UBA5: variants seen among roughly 807,000 people sequenced by gnomAD.
The protein encoded by UBA5 is ubiquitin-like modifier-activating enzyme 5.
UBA5 carries 28 observed loss-of-function variants against 52.9 expected under a neutral mutation model. That is an observed-to-expected ratio of 0.53 (90% confidence interval 0.39 to 0.73). The LOEUF (loss-of-function observed/expected upper bound fraction) is 0.73. Ranked by LOEUF, UBA5 falls within the 30% of genes least tolerant of loss-of-function variation. UBA5 has a pLI of 0.00. For synonymous variants in UBA5, 135 were observed against 162.1 expected (o/e 0.83, Z 1.27); for missense variants, 388 against 492.7 (o/e 0.79, Z 2.01).
intron 5 of UBA5, 155 bp from the exon 6 acceptor site, chr3:132,670,810 G>GAT (rs1352866879): frequency 2.2e-6 from 1 of 461,720 alleles, no homozygotes; most frequent in African/African-American, 2.0e-5. Flanking sequence ...CTCAATACTT[G>GAT]ATATATATGA....
intron 8 of UBA5, among the ~76,000 whole-genome samples, chr3:132,673,069 G>C (rs777873836): frequency 7.2e-5 from 11 of 152,106 alleles, no homozygotes; most frequent in Non-Finnish European, 1.6e-4. Flanking sequence ...ATTGAAAAAA[G>C]CATACATATA....
At chr3:132,664,756 A>G (rs1251654243) in intron 1 of UBA5, among the ~76,000 whole-genome samples, 2 of 152,188 alleles carry the variant, frequency 1.3e-5, no homozygotes, top group Non-Finnish European at 2.9e-5. Flanking sequence ...TTTGTAGTAT[A>G]ATGATGAAGG....
chr3:132,676,052 A>T lies in UBA5; in HGVS notation c.1131+129A>T, dbSNP rs577503299. On this transcript the variant is annotated intron_variant, in intron 11 of 11. Transcript: ENST00000356232. This position sits in a 1 kb window ranked among gnomAD's most constrained non-coding sequence, Gnocchi z 4.1. ...TTTATGCTATAGGCATTAAGATGTG[A>T]GAGAGAGGTATGCAGTGTTAATATG... 15 of 651,672 alleles carry T rather than the reference A, an allele frequency of 2.3e-5. No individual in the cohort carries two copies. The highest frequency in any genetic ancestry group is 4.0e-4 in the Middle Eastern group (1 of 2,478). 40.4% of individuals were successfully genotyped at this position (651,672 alleles called of 1,614,324 possible). A position where few individuals can be genotyped will look rare whatever the true frequency, so the allele number is the denominator to read the frequency against.
rs1378791071 is a variant in UBA5 at position 132,676,688 on chromosome 3, G to A, written c.*162G>A. On this transcript the variant is annotated 3_prime_UTR_variant, in exon 12 of 12. Coordinates refer to ENST00000356232, the MANE Select transcript of UBA5 (RefSeq NM_024818.6). This position sits in a 1 kb window ranked among gnomAD's most constrained non-coding sequence, Gnocchi z 4.1. ...TCCTGTGACTTGCCTGTTTCTCCCC[G>A]CTCCAACGAAATCATTAACTCTCCT... 2.9e-5 allele frequency: 18 copies of A among 613,898 alleles called. No individual in the cohort carries two copies. Among genetic ancestry groups the A allele is most frequent in the African/African-American group, 5.5e-5 (3 of 54,164 alleles). The allele number at this position is 613,898 out of a possible 1,614,324, so 38.0% of individuals were successfully genotyped here. A position where few individuals can be genotyped will look rare whatever the true frequency, so the allele number is the denominator to read the frequency against.
At position 132,675,233 on chromosome 3, in the gene UBA5, T is replaced by C. The variant is rs776043186; in HGVS notation, c.813-15T>C. ...TTTTAAATTTCTTTATTTAAGTCTA[T>C]TTTGATTTTTCTAGGTTTCTGTTAA... On this transcript the variant is annotated splice_polypyrimidine_tract_variant and intron_variant, in intron 8 of 11. Coordinates refer to ENST00000356232, the MANE Select transcript of UBA5 (RefSeq NM_024818.6). 6.4e-7 allele frequency: 1 copy of C among 1,551,526 alleles called. No homozygotes were observed. The highest frequency in any genetic ancestry group is 8.8e-7 in the Non-Finnish European group (1 of 1,135,226).
At chr3:132,662,990 G>T (rs942938517) in intron 1 of UBA5, among the ~76,000 whole-genome samples, 8 of 152,140 alleles carry the variant, frequency 5.3e-5, no homozygotes, top group African/African-American at 1.7e-4. Flanking sequence ...GACAGTAAAG[G>T]AATTTTTTAA....
At chr3:132,669,356 TC>T in intron 4 of UBA5, among the ~76,000 whole-genome samples, 1 of 152,232 alleles carries the variant, frequency 6.6e-6, no homozygotes, top group Non-Finnish European at 1.5e-5. Flanking sequence ...CACCTCCGCC[TC>T]CCGGGCTCAA....
chr3:132,670,033 A>AT (rs986923792), intron 4 of UBA5, among the ~76,000 whole-genome samples, 165 bp from the exon 5 acceptor site: 4 of 152,016 alleles, frequency 2.6e-5, no homozygotes, highest in African/African-American at 9.7e-5. Context: ...TTTTAAAAAC[A>AT]TTTTTTTAGA....
Position 132,678,701 on chromosome 3 carries a change from G to C in UBA5, c.*2175G>C, listed in dbSNP as rs1266280628. On this transcript the variant is annotated 3_prime_UTR_variant, in exon 12 of 12. Transcript: ENST00000356232. Reference sequence around the variant, plus strand: ...GTCTCACTCTGTTGCCCAGGCTGGAGTGCAGTGGCACGATCTCAGCTCACC... The same window carrying C: ...GTCTCACTCTGTTGCCCAGGCTGGACTGCAGTGGCACGATCTCAGCTCACC... Among the ~76,000 whole-genome samples, 2 of 152,000 alleles carry C rather than the reference G, an allele frequency of 1.3e-5. No individual in the cohort carries two copies. The highest frequency in any genetic ancestry group is 4.2e-4 in the South Asian group (2 of 4,806).
rs1224111504 is a variant in UBA5 at position 132,660,552 on chromosome 3, G to A, written c.15G>A (p.Val5=). Residue 5 remains valine, a synonymous_variant, in exon 1 of 12, where the codon GTG becomes GTA. Transcript: ENST00000356232. The surrounding 1 kb of genome is among the most constrained non-coding windows in gnomAD (Gnocchi z 4.1). MAES[V]ERLQQRVQEL... ...GAGTCCCAGCCATGGCGGAGTCTGT[G>A]GAGCGCCTGCAGCAGCGGGTCCAGG... The A allele has an allele frequency of 6.5e-7, 1 of 1,549,452 alleles. No homozygotes were observed. The highest frequency in any genetic ancestry group is 2.1e-4 in the Middle Eastern group (1 of 4,694).
At position 132,677,888 on chromosome 3, in the gene UBA5, T is replaced by C. The variant is rs1002382636; in HGVS notation, c.*1362T>C. ...CTGGAAAGCAGAAGGATAGTTTTTT[T>C]AGCCTGGAAACTTATTTATGTTGCC... is the stretch of plus-strand genomic sequence containing the variant. On this transcript the variant is annotated 3_prime_UTR_variant, in exon 12 of 12. Transcript: ENST00000356232. 1 of 152,206 alleles carries C rather than the reference T, an allele frequency of 6.6e-6. No individual in the cohort carries two copies. The highest frequency in any genetic ancestry group is 1.5e-5 in the Non-Finnish European group (1 of 68,020). 9.4% of individuals were successfully genotyped at this position (152,206 alleles called of 1,614,324 possible). A position where few individuals can be genotyped will look rare whatever the true frequency, so the allele number is the denominator to read the frequency against.
upstream of UBA5, among the ~76,000 whole-genome samples, chr3:132,658,347 A>G (rs1366789093): frequency 6.6e-6 from 1 of 152,222 alleles, no homozygotes; most frequent in Non-Finnish European, 1.5e-5. Flanking sequence ...TTCTGGAAGC[A>G]ATTTTTATAC....
At chr3:132,658,097 A>T (rs1248914312), upstream of UBA5, among the ~76,000 whole-genome samples, 2 of 152,096 alleles carry the variant, frequency 1.3e-5, no homozygotes, top group African/African-American at 4.8e-5. Context: ...TCCTGACCTC[A>T]AGTGATCCAC....
chr3:132,668,880 T>G lies in UBA5; in HGVS notation c.360T>G (p.Pro120=). ...LANMNRLFFQ[P]HQAGLSKVQA... ...ATATGAATAGACTTTTCTTCCAACC[T>G]CATCAAGCAGGATTAAGTAAAGTTC... Residue 120 remains proline (P), a synonymous_variant, in exon 4 of 12, where the codon CCT becomes CCG. Coordinates refer to ENST00000356232, the MANE Select transcript of UBA5 (RefSeq NM_024818.6). The G allele has an allele frequency of 6.2e-7, 1 of 1,611,556 alleles. No individual in the cohort carries two copies. The highest frequency in any genetic ancestry group is 8.5e-7 in the Non-Finnish European group (1 of 1,179,304).
upstream of UBA5, chr3:132,660,151 G>A: frequency 2.9e-6 from 1 of 348,304 alleles, no homozygotes; most frequent in Non-Finnish European, 5.2e-6. The surrounding 1 kb of genome is among the most constrained non-coding windows in gnomAD (Gnocchi z 4.1). Context: ...TCAGACTGTC[G>A]AGCCTAAGAA....
intron 4 of UBA5, 128 bp downstream of exon 4, chr3:132,669,055 T>C (rs990358290): frequency 3.2e-6 from 2 of 632,966 alleles, no homozygotes; most frequent in Non-Finnish European, 5.0e-6. Context: ...AAGAATTCTC[T>C]TACCTGTTGG....
chr3:132,656,386 A>G (rs975506750), upstream of UBA5, among the ~76,000 whole-genome samples: 1 of 152,014 alleles, frequency 6.6e-6, no homozygotes, highest in Admixed American at 6.5e-5. Flanking sequence ...TATCTTCCCA[A>G]CTTCATTTTT....
At chr3:132,667,216 A>C (rs1292258063) in intron 3 of UBA5, 1 of 152,170 alleles carries the variant, frequency 6.6e-6, no homozygotes, top group African/African-American at 2.4e-5. Context: ...TTTTAACACA[A>C]TCCCCAAATG....
chr3:132,674,717 T>A (rs1938757312), intron 8 of UBA5, among the ~76,000 whole-genome samples: 1 of 152,094 alleles, frequency 6.6e-6, no homozygotes, highest in South Asian at 2.1e-4. Flanking sequence ...AGGAGGGAGC[T>A]GGAGGCACAT....
Sources: allele counts gnomAD v4.1 joint callset (sites outside exome capture counted in the v4.1 genomes callset), GRCh38; gene constraint gnomAD v4.1.1; non-coding constraint Gnocchi (gnomAD v3.1); transcripts MANE v1.5; gene names NCBI Gene and HGNC (gene_info 2026-07-23, HGNC 2026-07-21).